Variants in LRP1B observed in about 807,000 individuals in gnomAD.
The protein encoded by LRP1B is LDL receptor related protein 1B.
A neutral mutation model predicts 556.6 loss-of-function variants in LRP1B; 217 were observed. The ratio of observed to expected loss-of-function variants is 0.39; its 90% CI spans 0.35 to 0.44. LRP1B has a LOEUF of 0.44. Among genes scored for constraint, LRP1B ranks in the 20% least tolerant of loss-of-function variants. The pLI, the probability that LRP1B is intolerant of heterozygous loss-of-function variation, is 1.00. For synonymous variants in LRP1B, 2,047 were observed against 1,865.8 expected, an observed-to-expected ratio of 1.10 and a Z score of -2.50; for missense variants, 5,053 against 5,620.8, an observed-to-expected ratio of 0.90 and a Z score of 3.23.
intron 66 of LRP1B, among the ~76,000 whole-genome samples, chr2:140,434,727 A>G (rs1263452491): frequency 6.6e-6 from 1 of 152,160 alleles, no homozygotes; most frequent in African/African-American, 2.4e-5. Context: ...AGAATCATCA[A>G]CTATACCCCT....
chr2:141,850,992 A>G (rs1371925935), intron 1 of LRP1B, among the ~76,000 whole-genome samples: 1 of 151,770 alleles, frequency 6.6e-6, no homozygotes, highest in Non-Finnish European at 1.5e-5. Flanking sequence ...CCCATAAAAT[A>G]TTAACCGCTC....
At chr2:140,426,254 A>G (rs1685647844) in intron 66 of LRP1B, among the ~76,000 whole-genome samples, 1 of 152,242 alleles carries the variant, frequency 6.6e-6, no homozygotes, top group Non-Finnish European at 1.5e-5. Flanking sequence ...AATCATTTGA[A>G]AAGCTAAGCT....
intron 79 of LRP1B, among the ~76,000 whole-genome samples, chr2:140,331,686 CATATAT>C (rs10571873): frequency 1.9e-4 from 27 of 143,068 alleles, no homozygotes; most frequent in African/African-American, 4.8e-4. Flanking sequence ...TATATATATA[CATATAT>C]ATATATATAT....
rs13026281 is a variant in LRP1B at position 140,483,638 on chromosome 2, A to T, written c.9425+1705T>A. Among the ~76,000 whole-genome samples, 643 of 74,028 alleles carry T rather than the reference A, an allele frequency of 8.7e-3. 12 individuals are homozygous for T. Among genetic ancestry groups the T allele is most frequent in the African/African-American group, 0.025 (463 of 18,696 alleles). 48.6% of individuals were successfully genotyped at this position (74,028 alleles called of 152,430 possible). On this transcript the variant is annotated intron_variant, in intron 59 of 90. Transcript: ENST00000389484. ...CACATATATATATATATATATATAT[A>T]TATTTTTTTTTTTTTTTTTTGAGAC...
At chr2:140,776,364 A>G in intron 32 of LRP1B, 126 bp from the exon 33 acceptor site, 3 of 591,906 alleles carry the variant, frequency 5.1e-6, no homozygotes, top group Non-Finnish European at 7.5e-6. Flanking sequence ...TTTCTAAGGG[A>G]AACAGTAAAA....
chr2:140,348,369 G>C (rs966649814), intron 77 of LRP1B, among the ~76,000 whole-genome samples: 5 of 151,956 alleles, frequency 3.3e-5, no homozygotes, highest in African/African-American at 9.7e-5. Context: ...ATAATGTATT[G>C]GCTAGTATTG....
At chr2:141,521,182 G>A (rs1179438063) in intron 2 of LRP1B, among the ~76,000 whole-genome samples, 2 of 152,108 alleles carry the variant, frequency 1.3e-5, no homozygotes, top group African/African-American at 4.8e-5. Context: ...GCAGTTTCAG[G>A]TTCTTGGGTC....
chr2:142,035,462 GTA>G (rs1408174471), intron 1 of LRP1B, among the ~76,000 whole-genome samples: 1 of 151,048 alleles, frequency 6.6e-6, no homozygotes, highest in Non-Finnish European at 1.5e-5. Context: ...ACACTTATTT[GTA>G]TTTTTTTTTT....
intron 69 of LRP1B, 71 bp from the exon 70 acceptor site, chr2:140,371,356 ACATAAATATATGAATT>A: frequency 1.5e-6 from 1 of 684,054 alleles, no homozygotes; most frequent in Admixed American, 3.2e-5. Flanking sequence ...AAACATAAAC[ACATAAATATATGAATT>A]TATAGATGGT....
chr2:140,377,331 T>C (rs571784450), intron 68 of LRP1B, among the ~76,000 whole-genome samples: 1 of 152,228 alleles, frequency 6.6e-6, no homozygotes, highest in South Asian at 2.1e-4. Flanking sequence ...CGCCTCGGCC[T>C]CCCAAAGTGC....
chr2:140,510,416 A>C (rs1365853136), intron 51 of LRP1B, among the ~76,000 whole-genome samples: 1 of 152,210 alleles, frequency 6.6e-6, no homozygotes, highest in Non-Finnish European at 1.5e-5. Flanking sequence ...AAATAATGCC[A>C]TTTTTATTGC....
At chr2:140,540,929 T>C (rs546704562) in intron 45 of LRP1B, 44 bp downstream of exon 45, 1 of 1,584,514 alleles carries the variant, frequency 6.3e-7, no homozygotes, top group South Asian at 1.1e-5. Context: ...TGTGTGGAAT[T>C]TGGAACAGAT....
At chr2:141,512,373 T>C (rs1166189389) in intron 2 of LRP1B, among the ~76,000 whole-genome samples, 2 of 152,176 alleles carry the variant, frequency 1.3e-5, no homozygotes, top group African/African-American at 4.8e-5. Flanking sequence ...TATGTGGCCA[T>C]GATGCTAAGT....
chr2:140,532,199 G>C (rs1212372528), intron 47 of LRP1B, among the ~76,000 whole-genome samples: 3 of 151,936 alleles, frequency 2.0e-5, no homozygotes, highest in Admixed American at 6.6e-5. Context: ...TATTATTATA[G>C]GTTTCGTTAA....
intron 63 of LRP1B, among the ~76,000 whole-genome samples, chr2:140,446,094 A>G (rs1686648463): frequency 6.6e-6 from 1 of 152,194 alleles, no homozygotes; most frequent in African/African-American, 2.4e-5. Context: ...CTTCCAATCT[A>G]TAACATTTTG....
intron 3 of LRP1B, among the ~76,000 whole-genome samples, chr2:141,262,355 G>A (rs1047126197): frequency 4.0e-5 from 6 of 151,748 alleles, no homozygotes; most frequent in Admixed American, 3.3e-4. Flanking sequence ...TATATGATTT[G>A]TATATCGTTT....
chr2:141,035,489 TAA>T (rs1453718524), intron 11 of LRP1B, among the ~76,000 whole-genome samples: 6 of 152,100 alleles, frequency 3.9e-5, no homozygotes, highest in Non-Finnish European at 8.8e-5. Context: ...AATAAGAATA[TAA>T]ACTCTTTGAG....
intron 41 of LRP1B, among the ~76,000 whole-genome samples, chr2:140,614,754 A>G (rs1683199612): frequency 6.6e-6 from 1 of 152,164 alleles, no homozygotes; most frequent in Non-Finnish European, 1.5e-5. Context: ...TCTCCCATAT[A>G]ACATTGACTT....
intron 41 of LRP1B, among the ~76,000 whole-genome samples, chr2:140,650,988 G>A (rs1684662951): frequency 6.6e-6 from 1 of 152,146 alleles, no homozygotes; most frequent in Non-Finnish European, 1.5e-5. Context: ...CTCTTAGCTA[G>A]TTTCCAAATA....
Sources: allele counts gnomAD v4.1 joint callset (sites outside exome capture counted in the v4.1 genomes callset), GRCh38; gene constraint gnomAD v4.1.1; transcripts MANE v1.5; gene names NCBI Gene and HGNC (gene_info 2026-07-23, HGNC 2026-07-21).